The following PUS7L variants were observed in gnomAD, a reference collection of about 807,000 sequenced individuals.
PUS7L encodes pseudouridylate synthase PUS7L.
A neutral mutation model predicts 51.1 loss-of-function variants in PUS7L; 49 were observed. That is an observed-to-expected ratio of 0.96 (90% CI 0.76 to 1.22). PUS7L has a LOEUF of 1.22. Ranked by LOEUF, PUS7L falls within the 50% of genes most tolerant of loss-of-function variation. The probability of loss-of-function intolerance (pLI) is 0.00; values close to 1 mark genes in which losing one functional copy is unlikely to be tolerated. For synonymous variants in PUS7L, 277 were observed against 276.2 expected, an observed-to-expected ratio of 1.00 and a Z score of -0.03; for missense variants, 828 against 820.6, an observed-to-expected ratio of 1.01 and a Z score of -0.11.
At position 43,730,202 on chromosome 12, in the gene PUS7L, C is replaced by A; in HGVS notation, c.*174G>T. On this transcript the variant is annotated 3_prime_UTR_variant, in exon 9 of 9. Coordinates refer to ENST00000344862, the MANE Select transcript of PUS7L (RefSeq NM_031292.5). Reference sequence around the variant, plus strand: ...CATGGACCTTAAATTTGGACCCTGACACTTACATATCCTCTATAAAATTAC... The same window carrying A: ...CATGGACCTTAAATTTGGACCCTGAAACTTACATATCCTCTATAAAATTAC... The A allele has an allele frequency of 1.7e-6, 1 of 574,916 alleles. No homozygotes were observed. The highest frequency in any genetic ancestry group is 3.1e-6 in the Non-Finnish European group (1 of 327,130). The allele number at this position is 574,916 out of a possible 1,614,324, so 35.6% of individuals were successfully genotyped here.
rs1018583061 is a variant in PUS7L at position 43,724,642 on chromosome 12, A to C, written c.*5734T>G. 1 of 152,132 alleles carries C rather than the reference A, an allele frequency of 6.6e-6. No individual in the cohort carries two copies. Among genetic ancestry groups the C allele is most frequent in the Non-Finnish European group, 1.5e-5 (1 of 67,966 alleles). 9.4% of individuals were successfully genotyped at this position (152,132 alleles called of 1,614,324 possible). On this transcript the variant is annotated 3_prime_UTR_variant, in exon 9 of 9. Transcript: ENST00000344862. Reference sequence around the variant, plus strand: ...CCTGGACTGAAAAATGATAACTAACAGTACTTCAAGTCCAAGAATTCTACA... The same window carrying C: ...CCTGGACTGAAAAATGATAACTAACCGTACTTCAAGTCCAAGAATTCTACA...
intron 2 of PUS7L, among the ~76,000 whole-genome samples, chr12:43,749,719 A>G (rs1332582130): frequency 6.6e-6 from 1 of 152,178 alleles, no homozygotes; most frequent in Admixed American, 6.5e-5. Context: ...CACAGCCACT[A>G]AAAAGAAAAT....
intron 7 of PUS7L, among the ~76,000 whole-genome samples, chr12:43,735,613 T>A (rs978198311): frequency 6.6e-6 from 1 of 152,028 alleles, no homozygotes; most frequent in Non-Finnish European, 1.5e-5. Context: ...TTTTCTTTTC[T>A]CGGTGTTAAC....
Position 43,750,899 on chromosome 12 carries a change from C to T in PUS7L, c.911-2290G>A, listed in dbSNP as rs546581843. Among the ~76,000 whole-genome samples the T allele has an allele frequency of 6.6e-5, 10 of 152,218 alleles. No individual in the cohort carries two copies. The South Asian group carries it at 2.1e-3, about 32-fold the overall frequency. On this transcript the variant is annotated intron_variant, in intron 2 of 8. Transcript: ENST00000344862. Reference sequence around the variant, plus strand: ...GGGCTGGAATTCACAGGGAGAGTACCTGATAAGACAAAGCTTTGTAGAGAA... The same window carrying T: ...GGGCTGGAATTCACAGGGAGAGTACTTGATAAGACAAAGCTTTGTAGAGAA...
intron 7 of PUS7L, among the ~76,000 whole-genome samples, chr12:43,734,440 A>C (rs906191122): frequency 2.0e-5 from 3 of 152,228 alleles, no homozygotes; most frequent in African/African-American, 7.2e-5. Flanking sequence ...ATGGGCTTTC[A>C]GTTATGAGGA....
In PUS7L at chr12:43,738,377, T is replaced by A. The variant is rs756548592; in HGVS notation, c.1377A>T (p.Lys459Asn). The A allele has an allele frequency of 1.7e-5, 26 of 1,572,090 alleles. No homozygotes were observed. In the Admixed American group the frequency reaches 4.2e-4, roughly 25 times the overall value. The change falls in exon 6 of 9, where the codon AAA becomes AAT. Residue 459 changes from lysine to asparagine, a missense_variant. Physicochemically the swap from Lys to Asn is moderately conservative, Grantham distance 94. Coordinates refer to ENST00000344862, the MANE Select transcript of PUS7L (RefSeq NM_031292.5). ...LLKNEMMKAI[K>N]LFLTPEDLDD... The stretch of plus-strand genomic sequence containing the variant: ...CCAAGTCTTCTGGTGTAAGAAACAA[T>A]TTTATGGCTTTCATCTTAAAAAATC...
rs533902995 is a variant in PUS7L at position 43,746,781 on chromosome 12, T to C, written c.1071-543A>G. Among the ~76,000 whole-genome samples, 120 of 152,288 alleles carry C rather than the reference T, an allele frequency of 7.9e-4. 1 individual carries two copies. The Middle Eastern group carries it at 0.01, about 13-fold the overall frequency. ...ATAGCCATATTTTCCACAGTCCTTA[T>C]AGGAATTATATACGTGACAGACTAT... On this transcript the variant is annotated intron_variant, in intron 3 of 8. Coordinates refer to ENST00000344862, the MANE Select transcript of PUS7L (RefSeq NM_031292.5).
At chr12:43,739,582 C>T (rs1307078622) in intron 5 of PUS7L, 2 of 152,212 alleles carry the variant, frequency 1.3e-5, no homozygotes, top group Non-Finnish European at 2.9e-5. Context: ...TACAGGCGCC[C>T]ACCACCACGC....
rs1944450842 is a variant in PUS7L, at chr12:43,726,045, CCAGGCA to C, written c.*4325_*4330del. The C allele has an allele frequency of 1.3e-5, 2 of 152,048 alleles. No homozygotes were observed. Among genetic ancestry groups the C allele is most frequent in the African/African-American group, 4.8e-5 (2 of 41,400 alleles). The allele number at this position is 152,048 out of a possible 1,614,324, so 9.4% of individuals were successfully genotyped here. A position where few individuals can be genotyped will look rare whatever the true frequency, so the allele number is the denominator to read the frequency against. ...TCAATTTGTTTCACCTAACCGACTC[CCAGGCA>C]CTACTGCTAGCTCAGCGTCAAACAA... On this transcript the variant is annotated 3_prime_UTR_variant, in exon 9 of 9. Transcript: ENST00000344862.
chr12:43,744,128 G>T (rs1472707854), intron 4 of PUS7L, among the ~76,000 whole-genome samples: 1 of 152,178 alleles, frequency 6.6e-6, no homozygotes, highest in Non-Finnish European at 1.5e-5. Flanking sequence ...AGAGTTCAAA[G>T]AAACTTCTAC....
At chr12:43,743,611 A>G (rs1324025950) in intron 4 of PUS7L, among the ~76,000 whole-genome samples, 2 of 152,018 alleles carry the variant, frequency 1.3e-5, no homozygotes, top group Admixed American at 6.6e-5. Flanking sequence ...AAAATACAAA[A>G]AATTAGCTGG....
At position 43,726,345 on chromosome 12, in the gene PUS7L, C is replaced by T. The variant is rs565849556; in HGVS notation, c.*4031G>A. On this transcript the variant is annotated 3_prime_UTR_variant, in exon 9 of 9. Coordinates refer to ENST00000344862, the MANE Select transcript of PUS7L (RefSeq NM_031292.5). ...GCTGGGATAACTGGTTAGCCACATC[C>T]TGAGGATTGAAACTGGACCCCTTCT... The T allele has an allele frequency of 6.6e-6, 1 of 152,266 alleles. No individual in the cohort carries two copies. The highest frequency in any genetic ancestry group is 2.1e-4 in the South Asian group (1 of 4,822). The allele number at this position is 152,266 out of a possible 1,614,324, so 9.4% of individuals were successfully genotyped here. A position where few individuals can be genotyped will look rare whatever the true frequency, so the allele number is the denominator to read the frequency against.
In PUS7L at chr12:43,737,160, G is replaced by C. The variant is rs187698703; in HGVS notation, c.1445-499C>G. On this transcript the variant is annotated intron_variant, in intron 6 of 8. Coordinates refer to ENST00000344862, the MANE Select transcript of PUS7L (RefSeq NM_031292.5). ...ATGCACTTTGAAATGTAGATGACTG[G>C]AATCTACCACAAAGATGCTTATTCA... Among the ~76,000 whole-genome samples the C allele has an allele frequency of 3.9e-4, 60 of 152,252 alleles. 2 individuals carry two copies. The Middle Eastern group carries it at 0.01, about 26-fold the overall frequency.
At chr12:43,758,505 C>A in intron 1 of PUS7L, 1 of 985,876 alleles carries the variant, frequency 1.0e-6, no homozygotes, top group Non-Finnish European at 1.2e-6. Context: ...TCGTTGCCCT[C>A]CAGCACGTCC....
At chr12:43,749,325 T>C (rs1030754824) in intron 2 of PUS7L, among the ~76,000 whole-genome samples, 18 of 152,180 alleles carry the variant, frequency 1.2e-4, no homozygotes, top group African/African-American at 4.3e-4. Context: ...GTATGTTCAT[T>C]GCAGCGCTAT....
chr12:43,734,400 G>A (rs1944633635), intron 7 of PUS7L, among the ~76,000 whole-genome samples: 1 of 151,952 alleles, frequency 6.6e-6, no homozygotes, highest in African/African-American at 2.4e-5. Context: ...GGACACTTAA[G>A]TCCCAAATAC....
In PUS7L at chr12:43,736,569, C is replaced by T. The variant is rs759624168; in HGVS notation, c.1537G>A (p.Glu513Lys). The T allele has an allele frequency of 5.6e-6, 9 of 1,613,942 alleles. No individual in the cohort carries two copies. The highest frequency in any genetic ancestry group is 7.6e-6 in the Non-Finnish European group (9 of 1,180,050). The change falls in exon 7 of 9, where the codon GAA (glutamate) becomes AAA (lysine). Residue 513 changes from glutamate to lysine, a missense_variant. Physicochemically the swap from Glu to Lys is moderately conservative, Grantham distance 56 (BLOSUM62 1). Transcript: ENST00000344862. The stretch of plus-strand genomic sequence containing the variant: ...GAGAACCATGCCTGGATACAACCTT[C>T]CTCGGTCATGCCAAAGCGGTGCAAT... ...EALHRFGMTEEGCIQAWFSLP... is the reference protein window; with the variant it reads ...EALHRFGMTEKGCIQAWFSLP...
rs1229465770 is a variant in PUS7L, at chr12:43,726,979, A to G, written c.*3397T>C. Reference sequence around the variant, plus strand: ...AACAAAGGTCTGATATCCAGAATCTATGAAGAACTTAACAAGCAAAAAATT... The same window carrying G: ...AACAAAGGTCTGATATCCAGAATCTGTGAAGAACTTAACAAGCAAAAAATT... On this transcript the variant is annotated 3_prime_UTR_variant, in exon 9 of 9. Transcript: ENST00000344862. The G allele has an allele frequency of 1.3e-5, 2 of 152,182 alleles. No individual in the cohort carries two copies. Among genetic ancestry groups the G allele is most frequent in the African/African-American group, 4.8e-5 (2 of 41,464 alleles). 9.4% of individuals were successfully genotyped at this position (152,182 alleles called of 1,614,324 possible). A position where few individuals can be genotyped will look rare whatever the true frequency, so the allele number is the denominator to read the frequency against.
chr12:43,734,975 C>T (rs1944649399), intron 7 of PUS7L, among the ~76,000 whole-genome samples: 1 of 152,138 alleles, frequency 6.6e-6, no homozygotes, highest in Admixed American at 6.6e-5. Flanking sequence ...AATTTCCTTG[C>T]ATGATTTATG....
Sources: allele counts gnomAD v4.1 joint callset (sites outside exome capture counted in the v4.1 genomes callset), GRCh38; gene constraint gnomAD v4.1.1; transcripts MANE v1.5; gene names NCBI Gene and HGNC (gene_info 2026-07-23, HGNC 2026-07-21).